Variants in GRID1 observed in about 807,000 individuals in gnomAD.
The protein encoded by GRID1 is glutamate receptor ionotropic, delta-1.
A neutral mutation model predicts 98.0 loss-of-function variants in GRID1; 28 were observed. The observed-to-expected ratio is 0.29, with a 90% CI of 0.21 to 0.39. GRID1 has a LOEUF of 0.39. Ranked by LOEUF, GRID1 falls within the 10% of genes least tolerant of loss-of-function variation. The pLI is 1.00. For synonymous variants in GRID1, 553 were observed against 538.5 expected (o/e 1.03, Z -0.37); for missense variants, 1,111 against 1,340.5 (o/e 0.83, Z 2.67).
At chr10:86,073,402 A>G (rs1843832329) in intron 4 of GRID1, among the ~76,000 whole-genome samples, 1 of 152,208 alleles carries the variant, frequency 6.6e-6, no homozygotes, top group Non-Finnish European at 1.5e-5. Context: ...CTGGGAGAGT[A>G]GCCATCGCAC....
chr10:86,193,495 T>C (rs963877023), intron 3 of GRID1, among the ~76,000 whole-genome samples: 1 of 152,008 alleles, frequency 6.6e-6, no homozygotes, highest in Non-Finnish European at 1.5e-5. Context: ...TATCTCATGA[T>C]GGCCAATCAT....
intron 2 of GRID1, among the ~76,000 whole-genome samples, chr10:86,331,779 C>T (rs1360568666): frequency 1.3e-5 from 2 of 152,208 alleles, no homozygotes; most frequent in South Asian, 2.1e-4. Flanking sequence ...CCATGAGAAA[C>T]ATACACCTAC....
At chr10:86,207,508 C>T (rs1206642247) in intron 2 of GRID1, among the ~76,000 whole-genome samples, 1 of 152,084 alleles carries the variant, frequency 6.6e-6, no homozygotes, top group Non-Finnish European at 1.5e-5. Flanking sequence ...TTTGGGACAT[C>T]AACCAATTAA....
At chr10:86,232,034 T>A (rs938073382) in intron 2 of GRID1, among the ~76,000 whole-genome samples, 1 of 152,144 alleles carries the variant, frequency 6.6e-6, no homozygotes, top group Admixed American at 6.5e-5. Context: ...TGGGGTACCC[T>A]CTTCTCACTG....
chr10:85,810,215 G>C (rs576875458), intron 8 of GRID1, among the ~76,000 whole-genome samples: 2 of 151,202 alleles, frequency 1.3e-5, no homozygotes, highest in East Asian at 3.9e-4. Flanking sequence ...AGTGTGCTCT[G>C]CCCTGGGGGC....
intron 3 of GRID1, among the ~76,000 whole-genome samples, chr10:86,155,917 T>C (rs2131983146): frequency 6.6e-6 from 1 of 152,242 alleles, no homozygotes; most frequent in African/African-American, 2.4e-5. Flanking sequence ...ACAGGATGGG[T>C]GCAAGGCATC....
At chr10:86,076,133 T>A (rs1843877602) in intron 4 of GRID1, among the ~76,000 whole-genome samples, 2 of 152,228 alleles carry the variant, frequency 1.3e-5, no homozygotes, top group South Asian at 4.1e-4. Context: ...ACAAGTTCTA[T>A]CAGATTAAAC....
At chr10:85,672,671 T>G (rs1038994250) in intron 12 of GRID1, among the ~76,000 whole-genome samples, 6 of 152,062 alleles carry the variant, frequency 3.9e-5, no homozygotes, top group African/African-American at 1.4e-4. Flanking sequence ...CATGGCTTAC[T>G]GAATATTTTA....
intron 4 of GRID1, among the ~76,000 whole-genome samples, chr10:85,999,405 C>T (rs892784906): frequency 6.6e-6 from 1 of 152,064 alleles, no homozygotes; most frequent in African/African-American, 2.4e-5. Context: ...AGTAACAGCA[C>T]CAATTCTGCA....
At chr10:85,723,193 A>T in intron 11 of GRID1, 52 bp from the exon 12 acceptor site, 1 of 1,537,664 alleles carries the variant, frequency 6.5e-7, no homozygotes, top group Admixed American at 1.8e-5. Context: ...TCTCCCTCCT[A>T]TCCCCAGGGA....
chr10:85,860,876 T>C (rs1843157947), intron 6 of GRID1, among the ~76,000 whole-genome samples: 1 of 152,196 alleles, frequency 6.6e-6, no homozygotes, highest in Non-Finnish European at 1.5e-5. Flanking sequence ...AAATACAGTG[T>C]GATCTGGGCC....
Position 86,147,920 on chromosome 10 carries a change from G to A in GRID1, c.521-8896C>T, listed in dbSNP as rs117159917. 9.2e-5 allele frequency among the ~76,000 whole-genome samples: 14 copies of A among 152,228 alleles called. No homozygotes were observed. In the East Asian group the frequency reaches 2.7e-3, roughly 29 times the overall value. On this transcript the variant is annotated intron_variant, in intron 3 of 15. Coordinates refer to ENST00000327946, the MANE Select transcript of GRID1 (RefSeq NM_017551.3). ...ACCTCTATGCCCCAGAGCCCACTGG[G>A]CTTACTCCCACCAGCCAATCCTAAG...
intron 8 of GRID1, among the ~76,000 whole-genome samples, chr10:85,802,154 A>T (rs1443396655): frequency 2.0e-5 from 3 of 152,128 alleles, no homozygotes; most frequent in African/African-American, 7.2e-5. Context: ...TATGGTAAGG[A>T]TATCAACTGT....
At chr10:86,165,800 T>C (rs564550142) in intron 3 of GRID1, among the ~76,000 whole-genome samples, 1 of 152,082 alleles carries the variant, frequency 6.6e-6, no homozygotes, top group Admixed American at 6.5e-5. Flanking sequence ...AGCTTCTGTT[T>C]AGGGCAAGAC....
intron 8 of GRID1, among the ~76,000 whole-genome samples, chr10:85,729,877 C>T (rs980540622): frequency 3.3e-5 from 5 of 152,236 alleles, no homozygotes; most frequent in Non-Finnish European, 7.3e-5. Flanking sequence ...GAACTTGTCT[C>T]TAGAACAAAT....
chr10:85,658,821 CATT>C (rs1311593241), intron 12 of GRID1, among the ~76,000 whole-genome samples: 15 of 152,120 alleles, frequency 9.9e-5, no homozygotes, highest in Non-Finnish European at 2.2e-4. Flanking sequence ...GATAACATTG[CATT>C]GTTTAAATCA....
chr10:85,819,451 T>C (rs1259547677), intron 8 of GRID1, among the ~76,000 whole-genome samples: 1 of 152,166 alleles, frequency 6.6e-6, no homozygotes. Flanking sequence ...AAATATCATA[T>C]GACAAAAACT....
chr10:85,770,905 G>T (rs868757898), intron 8 of GRID1, among the ~76,000 whole-genome samples: 4 of 152,106 alleles, frequency 2.6e-5, no homozygotes, highest in African/African-American at 7.2e-5. Context: ...CACTCTGCAG[G>T]GTATTATCCA....
intron 4 of GRID1, among the ~76,000 whole-genome samples, chr10:85,957,161 A>G (rs993633341): frequency 6.6e-6 from 1 of 152,126 alleles, no homozygotes; most frequent in Non-Finnish European, 1.5e-5. Context: ...CCCTCCCCCA[A>G]CACGTGGGGA....
Sources: allele counts gnomAD v4.1 joint callset (sites outside exome capture counted in the v4.1 genomes callset), GRCh38; gene constraint gnomAD v4.1.1; transcripts MANE v1.5; gene names NCBI Gene and HGNC (gene_info 2026-07-23, HGNC 2026-07-21).